BRD8: variants seen among roughly 807,000 people sequenced by gnomAD.
BRD8 encodes bromodomain-containing protein 8.
In BRD8, 67 loss-of-function variants were observed where a neutral mutation model predicts 143.1. That is an observed-to-expected ratio of 0.47 (90% confidence interval 0.38 to 0.57). The LOEUF is 0.57. Ranked by LOEUF, BRD8 falls within the 20% of genes least tolerant of loss-of-function variation. The pLI is 0.00. For missense variants in BRD8, 1,103 were observed against 1,503.0 expected, an observed-to-expected ratio of 0.73 and a Z score of 4.40; for synonymous variants, 505 against 517.1, an observed-to-expected ratio of 0.98 and a Z score of 0.32.
At position 138,164,072 on chromosome 5, in the gene BRD8, A is replaced by C; in HGVS notation, c.1872+15T>G. 1.2e-6 allele frequency: 2 copies of C among 1,612,234 alleles called. No individual in the cohort carries two copies. Among genetic ancestry groups the C allele is most frequent in the African/African-American group, 2.7e-5 (2 of 75,022 alleles). On this transcript the variant is annotated intron_variant, in intron 14 of 26. Coordinates refer to ENST00000254900, the MANE Select transcript of BRD8 (RefSeq NM_139199.2). ...TAATCACATGGCAAGAGGAATAAAGAAAAGTCTGAAATACCTTTATCTGGC... is the reference window on the plus strand; with the variant it reads ...TAATCACATGGCAAGAGGAATAAAGCAAAGTCTGAAATACCTTTATCTGGC...
At chr5:138,169,193 T>C (rs1753677493) in intron 8 of BRD8, 29 bp downstream of exon 8, 1 of 1,608,406 alleles carries the variant, frequency 6.2e-7, no homozygotes, top group African/African-American at 1.3e-5. Context: ...CCTTCACTGA[T>C]CAATTCCCAC....
intron 11 of BRD8, 38 bp from the exon 12 acceptor site, chr5:138,165,204 A>G: frequency 6.3e-7 from 1 of 1,589,578 alleles, no homozygotes; most frequent in East Asian, 2.2e-5. Flanking sequence ...GGTCACAGAA[A>G]GAAGCCCAAG....
rs773835517 is a variant in BRD8, at chr5:138,172,071, A to G, written c.180T>C (p.Ser60=). 1.9e-6 allele frequency: 3 copies of G among 1,613,546 alleles called. No homozygotes were observed. The highest frequency in any genetic ancestry group is 2.5e-6 in the Non-Finnish European group (3 of 1,179,690). Reference sequence around the variant, plus strand: ...CCCTTGCTTGGGAACTTACTTTTTGAGAGAACCAGTCTGGAGGGCGGCCAG... The same window carrying G: ...CCCTTGCTTGGGAACTTACTTTTTGGGAGAACCAGTCTGGAGGGCGGCCAG... The part of the protein sequence containing the change: ...AEPGRPPDWF[S]QKHCASQYSE... Residue 60 remains serine, a synonymous_variant, in exon 3 of 27, where the codon TCT becomes TCC. Coordinates refer to ENST00000254900, the MANE Select transcript of BRD8 (RefSeq NM_139199.2).
chr5:138,166,662 A>AAGT lies in BRD8; in HGVS notation c.852_853insACT (p.Ser284_Phe285insThr). ...GGAGGCTCACTGGCAACAGTAGTGA[A>AAGT]GGAAGCAAGAGGTGTGGTGAACTGT... On this transcript the variant is annotated inframe_insertion, in exon 10 of 27. Coordinates refer to ENST00000254900, the MANE Select transcript of BRD8 (RefSeq NM_139199.2). 6.2e-7 allele frequency: 1 copy of AAGT among 1,614,088 alleles called. No individual in the cohort carries two copies. Among genetic ancestry groups the AAGT allele is most frequent in the Non-Finnish European group, 8.5e-7 (1 of 1,179,946 alleles).
In BRD8 at chr5:138,169,316, A is replaced by C; in HGVS notation, c.548T>G (p.Val183Gly). ...AGAATCTATAGGAGAGCGAACCATC[A>C]CAGTGGGTAACCTCCGGGGGGGTGT... ...VKTPPRRLPT[V>G]MVRSPIDSAS... Residue 183 changes from valine to glycine, a missense_variant, in exon 8 of 27, where the codon GTG (valine) becomes GGG (glycine). This residue lies in a region of BRD8 where 334 missense variants were observed against 372.5 expected (regional missense o/e 0.90). Coordinates refer to ENST00000254900, the MANE Select transcript of BRD8 (RefSeq NM_139199.2). The C allele has an allele frequency of 1.2e-6, 2 of 1,614,168 alleles. No individual in the cohort carries two copies.
intron 24 of BRD8, among the ~76,000 whole-genome samples, chr5:138,145,485 C>T (rs1372343722): frequency 6.6e-6 from 1 of 152,052 alleles, no homozygotes; most frequent in Non-Finnish European, 1.5e-5. Context: ...GTTCCCAAGG[C>T]CCTGTCTCTG....
chr5:138,175,259 A>G (rs1179288921), intron 2 of BRD8, among the ~76,000 whole-genome samples: 1 of 152,156 alleles, frequency 6.6e-6, no homozygotes, highest in Non-Finnish European at 1.5e-5. Context: ...TGGTGGCCAC[A>G]TATTACTTCA....
At chr5:138,164,521 C>T in intron 12 of BRD8, 108 bp from the exon 13 acceptor site, 4 of 1,242,708 alleles carry the variant, frequency 3.2e-6, no homozygotes, top group Middle Eastern at 2.0e-4. Flanking sequence ...CTAAGTCCTA[C>T]TCATGTAATG....
At chr5:138,158,605 A>ATT (rs769073581) in intron 20 of BRD8, among the ~76,000 whole-genome samples, 3 of 137,026 alleles carry the variant, frequency 2.2e-5, no homozygotes. Flanking sequence ...CACCCGGCTA[A>ATT]TTTTTTTTTT....
chr5:138,140,233 T>A, intron 26 of BRD8, 67 bp from the exon 27 acceptor site: 2 of 1,245,940 alleles, frequency 1.6e-6, no homozygotes, highest in Non-Finnish European at 2.3e-6. Flanking sequence ...GCAAGTTTAT[T>A]TTTTTGGCAA....
chr5:138,164,269 T>G (rs1268417821), intron 13 of BRD8, 51 bp downstream of exon 13: 1 of 1,601,466 alleles, frequency 6.2e-7, no homozygotes, highest in Non-Finnish European at 8.6e-7. Flanking sequence ...CCACAACCCC[T>G]CAGAAGCCAA....
At chr5:138,172,272 C>A (rs1753926899) in intron 2 of BRD8, 138 bp from the exon 3 acceptor site, 2 of 612,644 alleles carry the variant, frequency 3.3e-6, no homozygotes, top group South Asian at 3.7e-5. Flanking sequence ...CGCCTGTAAT[C>A]CCAGCACTTT....
At position 138,140,551 on chromosome 5, in the gene BRD8, G is replaced by A. The variant is rs923530489; in HGVS notation, c.3615+154C>T. On this transcript the variant is annotated intron_variant, in intron 26 of 26. Coordinates refer to ENST00000254900, the MANE Select transcript of BRD8 (RefSeq NM_139199.2). Reference sequence around the variant, plus strand: ...AGAGCTGGACTTACTGAGGCTCAGGGTTTTCCAAACCAGCAGGCACATTAT... The same window carrying A: ...AGAGCTGGACTTACTGAGGCTCAGGATTTTCCAAACCAGCAGGCACATTAT... 3 of 866,638 alleles carry A rather than the reference G, an allele frequency of 3.5e-6. 1 individual carries two copies. In the South Asian group the frequency reaches 4.8e-5, roughly 14 times the overall value. 53.7% of individuals were successfully genotyped at this position (866,638 alleles called of 1,614,324 possible).
At chr5:138,140,247 G>T in intron 26 of BRD8, 81 bp from the exon 27 acceptor site, 1 of 1,031,718 alleles carries the variant, frequency 9.7e-7, no homozygotes, top group Non-Finnish European at 1.5e-6. Context: ...TTGGCAAATA[G>T]ACTCAACTAT....
In BRD8 at chr5:138,177,460, A is replaced by C. The variant is rs1754444180; in HGVS notation, c.116+111T>G. 4.4e-6 allele frequency: 3 copies of C among 684,214 alleles called. No homozygotes were observed. The East Asian group carries it at 7.9e-5, about 18-fold the overall frequency. 42.4% of individuals were successfully genotyped at this position (684,214 alleles called of 1,614,324 possible). On this transcript the variant is annotated intron_variant, in intron 2 of 26. Coordinates refer to ENST00000254900, the MANE Select transcript of BRD8 (RefSeq NM_139199.2). ...TCAGTCTCAAAAAAAGAAGAAAAAG[A>C]AAAGAAAGTCTACTTACAGCTTAAT...
chr5:138,176,505 C>T (rs535223665), intron 2 of BRD8, among the ~76,000 whole-genome samples: 5 of 152,172 alleles, frequency 3.3e-5, no homozygotes, highest in East Asian at 1.9e-4. Context: ...ACCTGGGAGG[C>T]GGAGGTTGCA....
chr5:138,160,295 CTGAT>C, intron 18 of BRD8, 122 bp from the exon 19 acceptor site: 2 of 688,440 alleles, frequency 2.9e-6, no homozygotes, highest in East Asian at 2.7e-5. Flanking sequence ...TATATTTTGA[CTGAT>C]TGGAAGTTTA....
chr5:138,149,251 A>G (rs948717385), intron 23 of BRD8, among the ~76,000 whole-genome samples: 69 of 151,796 alleles, frequency 4.5e-4, no homozygotes, highest in Non-Finnish European at 1.2e-4. Flanking sequence ...ACCTGAGACT[A>G]TAGACAAGTG....
Position 138,177,684 on chromosome 5 carries a change from A to G in BRD8, c.20-17T>C. The G allele has an allele frequency of 6.6e-7, 1 of 1,523,764 alleles. No homozygotes were observed. Among genetic ancestry groups the G allele is most frequent in the Non-Finnish European group, 9.0e-7 (1 of 1,115,724 alleles). The allele number at this position is 1,523,764 out of a possible 1,614,324, so 94.4% of individuals were successfully genotyped here. On this transcript the variant is annotated splice_polypyrimidine_tract_variant and intron_variant, in intron 1 of 26. Transcript: ENST00000254900. Reference sequence around the variant, plus strand: ...GCTTGTGTTCTGGGAAAGGGAGAAAAAAAAAAAAGCCTTGGAAACAACCAC... The same window carrying G: ...GCTTGTGTTCTGGGAAAGGGAGAAAGAAAAAAAAGCCTTGGAAACAACCAC...
Sources: allele counts gnomAD v4.1 joint callset (sites outside exome capture counted in the v4.1 genomes callset), GRCh38; gene constraint gnomAD v4.1.1; regional missense constraint gnomAD v4.1.1; transcripts MANE v1.5; gene names NCBI Gene and HGNC (gene_info 2026-07-23, HGNC 2026-07-21).